The following SEC22C variants were observed in gnomAD, a reference collection of about 807,000 sequenced individuals.
SEC22C encodes vesicle-trafficking protein SEC22c.
In SEC22C, 29 loss-of-function variants were observed where a neutral mutation model predicts 34.7. The observed-to-expected ratio is 0.84, with a 90% CI of 0.62 to 1.14. The LOEUF is 1.14. Among genes scored for constraint, SEC22C ranks in the 50% most tolerant of loss-of-function variants. The probability of loss-of-function intolerance (pLI) is 0.00; values close to 1 mark genes in which losing one functional copy is unlikely to be tolerated. For synonymous variants in SEC22C, 117 were observed against 132.8 expected, an observed-to-expected ratio of 0.88 and a Z score of 0.82; for missense variants, 337 against 369.0, an observed-to-expected ratio of 0.91 and a Z score of 0.71.
intron 1 of SEC22C, among the ~76,000 whole-genome samples, chr3:42,588,731 T>C (rs867857070): frequency 2.0e-5 from 3 of 152,114 alleles, no homozygotes; most frequent in Admixed American, 6.5e-5. Flanking sequence ...TCTCATGTTA[T>C]TGTCATTCCT....
chr3:42,549,531 TCTCTGA>T lies in SEC22C; in HGVS notation c.*3711_*3716del. 1.0e-6 allele frequency: 1 copy of T among 983,476 alleles called. No homozygotes were observed. Among genetic ancestry groups the T allele is most frequent in the Non-Finnish European group, 1.2e-6 (1 of 829,958 alleles). The allele number at this position is 983,476 out of a possible 1,614,324, so 60.9% of individuals were successfully genotyped here. On this transcript the variant is annotated 3_prime_UTR_variant, in exon 7 of 7. Transcript: ENST00000264454. Reference sequence around the variant, plus strand: ...AGCCTTGCTGGCCTGCTGGCTATTGTCTCTGACTCTGAGCTGTGCTGACCACCAAGT... The same window carrying T: ...AGCCTTGCTGGCCTGCTGGCTATTGTCTCTGAGCTGTGCTGACCACCAAGT...
At chr3:42,597,326 C>T (rs1375798547) in intron 1 of SEC22C, among the ~76,000 whole-genome samples, 6 of 152,108 alleles carry the variant, frequency 3.9e-5, no homozygotes, top group African/African-American at 9.7e-5. Flanking sequence ...GAGGCCAACG[C>T]GGGCAGATCA....
chr3:42,566,770 A>G (rs540351228), intron 2 of SEC22C: 50 of 359,974 alleles, frequency 1.4e-4, no homozygotes, highest in Non-Finnish European at 2.6e-4. Flanking sequence ...TTGGAAGGCC[A>G]AGGCGGGAGG....
chr3:42,561,775 A>G (rs1467650529), intron 3 of SEC22C, among the ~76,000 whole-genome samples: 1 of 152,242 alleles, frequency 6.6e-6, no homozygotes. Context: ...TGCTAATATG[A>G]ACACTGTCTG....
Position 42,551,971 on chromosome 3 carries a change from A to G in SEC22C, c.*1277T>C. 1.0e-6 allele frequency: 1 copy of G among 985,426 alleles called. No individual in the cohort carries two copies. Among genetic ancestry groups the G allele is most frequent in the Non-Finnish European group, 1.2e-6 (1 of 829,896 alleles). 61.0% of individuals were successfully genotyped at this position (985,426 alleles called of 1,614,324 possible). ...CCATGCAACTGTGGTTGAACTATTC[A>G]GATTCCAGACTTCTACCAAGAACAA... On this transcript the variant is annotated 3_prime_UTR_variant, in exon 7 of 7. Coordinates refer to ENST00000264454, the MANE Select transcript of SEC22C (RefSeq NM_032970.4).
At chr3:42,600,875 G>GC in intron 1 of SEC22C, 1 of 641,380 alleles carries the variant, frequency 1.6e-6, no homozygotes, top group South Asian at 2.9e-5. Context: ...GTCGCGACGG[G>GC]CCGGCGTGAG....
intron 1 of SEC22C, among the ~76,000 whole-genome samples, chr3:42,592,345 G>A (rs1449602199): frequency 6.6e-6 from 1 of 151,964 alleles, no homozygotes; most frequent in East Asian, 1.9e-4. Flanking sequence ...GACTACAGGC[G>A]TGTGCCACCA....
chr3:42,598,688 C>A (rs1461564400), intron 1 of SEC22C, among the ~76,000 whole-genome samples: 1 of 151,672 alleles, frequency 6.6e-6, no homozygotes, highest in Non-Finnish European at 1.5e-5. Flanking sequence ...CTAGAGTAGA[C>A]AAATTTACAG....
At chr3:42,578,579 C>G (rs1704116482) in intron 1 of SEC22C, among the ~76,000 whole-genome samples, 1 of 150,112 alleles carries the variant, frequency 6.7e-6, no homozygotes, top group African/African-American at 2.5e-5. Flanking sequence ...CACTTTATAC[C>G]AACATCAATT....
At position 42,552,241 on chromosome 3, in the gene SEC22C, TGACTGG is replaced by T. The variant is rs1702289956; in HGVS notation, c.*1001_*1006del. ...AATGAGGCCCTCAAGCTAATTAAGA[TGACTGG>T]GAAAGGTGCAGAGGAGTAATTAATT... On this transcript the variant is annotated 3_prime_UTR_variant, in exon 7 of 7. Coordinates refer to ENST00000264454, the MANE Select transcript of SEC22C (RefSeq NM_032970.4). 1 of 985,278 alleles carries T rather than the reference TGACTGG, an allele frequency of 1.0e-6. No individual in the cohort carries two copies. Among genetic ancestry groups the T allele is most frequent in the Non-Finnish European group, 1.2e-6 (1 of 829,914 alleles). The allele number at this position is 985,278 out of a possible 1,614,324, so 61.0% of individuals were successfully genotyped here. A position where few individuals can be genotyped will look rare whatever the true frequency, so the allele number is the denominator to read the frequency against.
chr3:42,562,999 T>C (rs1397892594), intron 3 of SEC22C, among the ~76,000 whole-genome samples: 2 of 152,260 alleles, frequency 1.3e-5, no homozygotes, highest in Non-Finnish European at 2.9e-5. Context: ...GTTCTCACTT[T>C]CTGTGCTTAC....
At chr3:42,581,535 T>A (rs1303710798) in intron 1 of SEC22C, among the ~76,000 whole-genome samples, 2 of 152,388 alleles carry the variant, frequency 1.3e-5, no homozygotes, top group East Asian at 3.9e-4. Context: ...AAAGAAACAA[T>A]CGTCCCCTTT....
intron 2 of SEC22C, among the ~76,000 whole-genome samples, chr3:42,564,871 C>A (rs1241506784): frequency 1.3e-5 from 2 of 152,202 alleles, no homozygotes; most frequent in African/African-American, 4.8e-5. Context: ...CATCCTCCCA[C>A]CTCAGCCTCC....
intron 1 of SEC22C, chr3:42,594,545 T>G (rs1704971925): frequency 1.3e-6 from 2 of 1,559,386 alleles, no homozygotes; most frequent in Admixed American, 1.7e-5. Context: ...TCCATTTGGC[T>G]GTCGTGAGGA....
chr3:42,590,953 A>AGACTATCCAGCGGGTG, intron 1 of SEC22C: 1 of 1,253,460 alleles, frequency 8.0e-7, no homozygotes, highest in Non-Finnish European at 1.1e-6. Context: ...GTCAATCAAG[A>AGACTATCCAGCGGGTG]GACTATCCAG....
chr3:42,557,524 C>A, intron 5 of SEC22C, 54 bp downstream of exon 5: 1 of 781,652 alleles, frequency 1.3e-6, no homozygotes, highest in Non-Finnish European at 2.1e-6. Context: ...CTATCACTTT[C>A]TTCTATCATA....
intron 1 of SEC22C, chr3:42,600,931 C>CTCGCCCCCGCCCTCGCCCCTGCCA: frequency 8.4e-7 from 1 of 1,192,972 alleles, no homozygotes; most frequent in Non-Finnish European, 1.1e-6. Flanking sequence ...CGCCCCTGCC[C>CTCGCCCCCGCCCTCGCCCCTGCCA]TCGCCCCCGC....
At chr3:42,579,214 T>C (rs557544698) in intron 1 of SEC22C, among the ~76,000 whole-genome samples, 63 of 151,072 alleles carry the variant, frequency 4.2e-4, no homozygotes, top group African/African-American at 1.5e-3. Context: ...GAGGCAGAGG[T>C]TGCAGTCAGC....
In SEC22C at chr3:42,550,442, C is replaced by T. The variant is rs183808639; in HGVS notation, c.*2806G>A. Reference sequence around the variant, plus strand: ...ACCTCCAACCCTGAACCAAGTCAAACCTAAGCCTGGGGATTTCCCTCGGAT... The same window carrying T: ...ACCTCCAACCCTGAACCAAGTCAAATCTAAGCCTGGGGATTTCCCTCGGAT... On this transcript the variant is annotated 3_prime_UTR_variant, in exon 7 of 7. Transcript: ENST00000264454. 39 of 985,432 alleles carry T rather than the reference C, an allele frequency of 4.0e-5. 1 individual carries two copies. Among genetic ancestry groups the T allele is most frequent in the Middle Eastern group, 1.0e-3 (2 of 1,914 alleles). The allele number at this position is 985,432 out of a possible 1,614,324, so 61.0% of individuals were successfully genotyped here. A position where few individuals can be genotyped will look rare whatever the true frequency, so the allele number is the denominator to read the frequency against.
Sources: allele counts gnomAD v4.1 joint callset (sites outside exome capture counted in the v4.1 genomes callset), GRCh38; gene constraint gnomAD v4.1.1; transcripts MANE v1.5; gene names NCBI Gene and HGNC (gene_info 2026-07-23, HGNC 2026-07-21).